Variants in TMEM178B observed in about 807,000 individuals in gnomAD.
TMEM178B encodes the protein transmembrane protein 178B.
In TMEM178B, 5 loss-of-function variants were observed where a neutral mutation model predicts 31.0. The ratio of observed to expected loss-of-function variants is 0.16; its 90% confidence interval spans 0.08 to 0.34. The LOEUF (loss-of-function observed/expected upper bound fraction) is 0.34, where lower values mean the gene tolerates loss of function less well. TMEM178B is among the 10% of genes least tolerant of loss of function. The pLI, the probability that TMEM178B is intolerant of heterozygous loss-of-function variation, is 1.00. For synonymous variants in TMEM178B, 164 were observed against 164.0 expected (o/e 1.00, Z 0.00); for missense variants, 275 against 400.3 (o/e 0.69, Z 2.67).
intron 1 of TMEM178B, among the ~76,000 whole-genome samples, chr7:141,191,490 G>A (rs1354388938): frequency 1.3e-5 from 2 of 152,196 alleles, no homozygotes; most frequent in African/African-American, 4.8e-5. Flanking sequence ...GACAGTGTCT[G>A]GTTCTCCACA....
chr7:141,133,166 A>G (rs564031648), intron 1 of TMEM178B, among the ~76,000 whole-genome samples: 3 of 152,350 alleles, frequency 2.0e-5, no homozygotes, highest in South Asian at 4.1e-4. Flanking sequence ...TAAGGACACA[A>G]TAAACATGAA....
At chr7:141,122,730 T>A (rs544537260) in intron 1 of TMEM178B, among the ~76,000 whole-genome samples, 1 of 152,234 alleles carries the variant, frequency 6.6e-6, no homozygotes, top group Admixed American at 6.5e-5. Flanking sequence ...GGATAAGGGC[T>A]TTTTCCTTTT....
At chr7:141,100,703 A>G (rs1432000379) in intron 1 of TMEM178B, among the ~76,000 whole-genome samples, 1 of 152,218 alleles carries the variant, frequency 6.6e-6, no homozygotes, top group South Asian at 2.1e-4. Context: ...GGCTGACTGT[A>G]TTGCACACAG....
At chr7:141,226,229 G>A (rs1346619703) in intron 2 of TMEM178B, among the ~76,000 whole-genome samples, 2 of 152,078 alleles carry the variant, frequency 1.3e-5, no homozygotes, top group African/African-American at 2.4e-5. Context: ...TTGGGGGGAG[G>A]GTGTGAAGAA....
intron 1 of TMEM178B, among the ~76,000 whole-genome samples, chr7:141,149,793 G>T (rs1334963670): frequency 1.3e-5 from 2 of 152,228 alleles, no homozygotes; most frequent in Admixed American, 1.3e-4. Context: ...GTTCCGCCCT[G>T]CGGGTTATGG....
intron 2 of TMEM178B, among the ~76,000 whole-genome samples, chr7:141,407,414 C>T (rs761377226): frequency 1.2e-3 from 185 of 152,234 alleles, no homozygotes; most frequent in Non-Finnish European, 2.3e-3. Context: ...TTGTAGATTG[C>T]TTGCTCCTGG....
intron 1 of TMEM178B, among the ~76,000 whole-genome samples, chr7:141,089,772 A>G (rs555818919): frequency 4.5e-4 from 69 of 152,026 alleles, no homozygotes; most frequent in African/African-American, 1.6e-3. Flanking sequence ...AAAAAACCAA[A>G]CACCGCATGT....
the TMEM178B span, among the ~76,000 whole-genome samples, chr7:141,498,265 G>C: frequency 6.6e-6 from 1 of 152,156 alleles, no homozygotes; most frequent in Non-Finnish European, 1.5e-5. Flanking sequence ...GGGACTATAG[G>C]AATAAGAGGA....
chr7:141,122,014 C>A (rs193215368), intron 1 of TMEM178B, among the ~76,000 whole-genome samples: 3 of 152,238 alleles, frequency 2.0e-5, no homozygotes, highest in African/African-American at 4.8e-5. Context: ...CCCTTTCCTT[C>A]CATTGGTAGA....
intron 2 of TMEM178B, among the ~76,000 whole-genome samples, chr7:141,416,568 T>C (rs1801100543): frequency 6.6e-6 from 1 of 152,244 alleles, no homozygotes; most frequent in Non-Finnish European, 1.5e-5. Flanking sequence ...ATCCATTTAG[T>C]TTTATTCCAA....
intron 1 of TMEM178B, among the ~76,000 whole-genome samples, chr7:141,115,687 C>T (rs1795307205): frequency 6.6e-6 from 1 of 152,168 alleles, no homozygotes; most frequent in African/African-American, 2.4e-5. Flanking sequence ...GAAAACTTCA[C>T]TAGCACCTGC....
intron 2 of TMEM178B, among the ~76,000 whole-genome samples, chr7:141,387,507 A>G (rs1306166091): frequency 6.6e-6 from 1 of 152,168 alleles, no homozygotes; most frequent in Non-Finnish European, 1.5e-5. Context: ...ACAAAACAAC[A>G]TTTTGTCCCC....
intron 1 of TMEM178B, among the ~76,000 whole-genome samples, chr7:141,141,740 C>T (rs1795772340): frequency 6.6e-6 from 1 of 151,898 alleles, no homozygotes; most frequent in Non-Finnish European, 1.5e-5. Flanking sequence ...GAATTAATGC[C>T]CAAGTTTAAC....
At chr7:141,106,567 C>G (rs1213212821) in intron 1 of TMEM178B, among the ~76,000 whole-genome samples, 1 of 152,160 alleles carries the variant, frequency 6.6e-6, no homozygotes, top group Non-Finnish European at 1.5e-5. Context: ...CTTAAACTCT[C>G]TCTGAGATAC....
intron 1 of TMEM178B, among the ~76,000 whole-genome samples, chr7:141,126,109 G>A (rs1310034385): frequency 6.6e-6 from 1 of 152,226 alleles, no homozygotes; most frequent in Non-Finnish European, 1.5e-5. Flanking sequence ...CAAATAGTTG[G>A]TTTGGTAGGA....
chr7:141,357,604 C>A (rs188620665), intron 2 of TMEM178B, among the ~76,000 whole-genome samples: 1 of 152,214 alleles, frequency 6.6e-6, no homozygotes, highest in East Asian at 1.9e-4. Context: ...AAAATACCAC[C>A]AATAGGCATC....
intron 1 of TMEM178B, among the ~76,000 whole-genome samples, chr7:141,172,221 T>C (rs114008006): frequency 2.7e-4 from 41 of 152,310 alleles, no homozygotes; most frequent in African/African-American, 9.6e-4. Flanking sequence ...CATTCATTCA[T>C]TCACAAATGT....
intron 2 of TMEM178B, among the ~76,000 whole-genome samples, chr7:141,228,623 G>A (rs369703157): frequency 2.0e-5 from 3 of 152,294 alleles, no homozygotes; most frequent in African/African-American, 7.2e-5. Flanking sequence ...TCGGCTGTCA[G>A]GATCTCCAGT....
chr7:141,157,427 GCA>G (rs111942925), intron 1 of TMEM178B, among the ~76,000 whole-genome samples: 8,067 of 150,476 alleles, frequency 0.054, 741 homozygotes, highest in African/African-American at 0.19. Context: ...CTGCGCGCGT[GCA>G]CACACACACA....
Sources: gnomAD v4.1 joint callset for allele counts (sites outside exome capture counted in the v4.1 genomes callset) on GRCh38, gnomAD v4.1.1 for gene constraint, MANE v1.5 for transcripts, NCBI Gene and HGNC (gene_info 2026-07-23, HGNC 2026-07-21) for gene names.